The following PCDHGA7 variants were observed in gnomAD, a reference collection of about 807,000 sequenced individuals.
PCDHGA7 encodes the protein protocadherin gamma-A7.
In PCDHGA7, 44 loss-of-function variants were observed where a neutral mutation model predicts 58.3. The observed-to-expected ratio is 0.75, with a 90% CI of 0.59 to 0.97. The LOEUF (loss-of-function observed/expected upper bound fraction) is 0.97. Ranked by LOEUF, PCDHGA7 falls within the 50% of genes least tolerant of loss-of-function variation. The pLI is 0.00. For missense variants in PCDHGA7, 1,266 were observed against 1,188.7 expected (o/e 1.06, Z -0.96); for synonymous variants, 516 against 504.2 (o/e 1.02, Z -0.31).
intron 1 of PCDHGA7, among the ~76,000 whole-genome samples, chr5:141,386,837 A>G (rs551845645): frequency 1.3e-5 from 2 of 152,378 alleles, no homozygotes; most frequent in Middle Eastern, 6.8e-3. Context: ...ATGGAGAGAC[A>G]TAATCACTAA....
In PCDHGA7 at chr5:141,511,460, A is replaced by ACCC. The variant is rs1367357803; in HGVS notation, c.*289_*291dup. The ACCC allele has an allele frequency of 2.4e-4, 137 of 564,806 alleles. 1 individual carries two copies. In the Middle Eastern group the frequency reaches 2.7e-3, roughly 11 times the overall value. The allele number at this position is 564,806 out of a possible 1,614,324, so 35.0% of individuals were successfully genotyped here. A position where few individuals can be genotyped will look rare whatever the true frequency, so the allele number is the denominator to read the frequency against. ...GTAGACACCAAGAACCATTTGCCAC[A>ACCC]CCCCGTTTAGTTACAGCTGAACTCC... On this transcript the variant is annotated 3_prime_UTR_variant, in exon 4 of 4. Transcript: ENST00000518325.
chr5:141,418,969 A>C, intron 1 of PCDHGA7: 1 of 1,614,028 alleles, frequency 6.2e-7, no homozygotes, highest in Non-Finnish European at 8.5e-7. Flanking sequence ...CCCTCTTCAA[A>C]ACACGGGACC....
At chr5:141,470,306 T>C (rs2099227644) in intron 1 of PCDHGA7, among the ~76,000 whole-genome samples, 1 of 152,222 alleles carries the variant, frequency 6.6e-6, no homozygotes, top group South Asian at 2.1e-4. Flanking sequence ...TTATTCCATT[T>C]TTCCTCAAAT....
chr5:141,389,840 C>T (rs2150401266), intron 1 of PCDHGA7: 2 of 1,614,048 alleles, frequency 1.2e-6, no homozygotes, highest in Non-Finnish European at 8.5e-7. Context: ...AGCCACCACT[C>T]TCGGCCACTG....
intron 1 of PCDHGA7, chr5:141,390,232 C>A: frequency 6.2e-7 from 1 of 1,614,020 alleles, no homozygotes. Context: ...GGTGATTCAT[C>A]TGGGGCCTTA....
rs2095932484 is a variant in PCDHGA7, at chr5:141,415,751, T to TG, written c.2424+30428_2424+30429insG. 3.8e-6 allele frequency: 5 copies of TG among 1,328,726 alleles called. No homozygotes were observed. The African/African-American group carries it at 9.4e-5, about 25-fold the overall frequency. The allele number at this position is 1,328,726 out of a possible 1,614,324, so 82.3% of individuals were successfully genotyped here. On this transcript the variant is annotated intron_variant, in intron 1 of 3. Transcript: ENST00000518325. ...TGATGTTTATTAAGGTTTTTTTTTT[T>TG]TTTTTTTTTTTTTTTTTTTTTACTT... is the stretch of plus-strand genomic sequence containing the variant.
chr5:141,433,703 G>T (rs1561871157), intron 1 of PCDHGA7, among the ~76,000 whole-genome samples: 1 of 152,098 alleles, frequency 6.6e-6, no homozygotes, highest in Non-Finnish European at 1.5e-5. Flanking sequence ...CGGGCGTGGT[G>T]GTGCATGTCT....
chr5:141,481,679 C>T (rs2099541734), intron 1 of PCDHGA7, among the ~76,000 whole-genome samples: 1 of 151,948 alleles, frequency 6.6e-6, no homozygotes, highest in Non-Finnish European at 1.5e-5. Context: ...TCAGGCCGGG[C>T]CTGGTGGCTC....
At position 141,485,326 on chromosome 5, in the gene PCDHGA7, T is replaced by C. The variant is rs2154580391; in HGVS notation, c.2425-9481T>C. On this transcript the variant is annotated intron_variant, in intron 1 of 3. Coordinates refer to ENST00000518325, the MANE Select transcript of PCDHGA7 (RefSeq NM_018920.4). This position sits in a 1 kb window ranked among gnomAD's most constrained non-coding sequence, Gnocchi z 5.7. ...CTTTTGTAGGGAATGTCGCTCAAGATTTCCTGCTGGATACGGACAGTCTGT... is the reference window on the plus strand; with the variant it reads ...CTTTTGTAGGGAATGTCGCTCAAGACTTCCTGCTGGATACGGACAGTCTGT... 1 of 1,614,106 alleles carries C rather than the reference T, an allele frequency of 6.2e-7. No homozygotes were observed. The highest frequency in any genetic ancestry group is 1.7e-5 in the Admixed American group (1 of 60,028).
intron 1 of PCDHGA7, chr5:141,399,104 A>G (rs561995889): frequency 6.2e-7 from 1 of 1,613,860 alleles, no homozygotes; most frequent in South Asian, 1.1e-5. Context: ...CTGGTTGCAC[A>G]ATGTACAGTT....
chr5:141,400,363 T>C (rs1271706599), intron 1 of PCDHGA7: 1 of 1,613,958 alleles, frequency 6.2e-7, no homozygotes, highest in Non-Finnish European at 8.5e-7. Flanking sequence ...GACTTTGCCT[T>C]ATTCCTACAA....
At chr5:141,428,275 G>C in intron 1 of PCDHGA7, 1 of 767,218 alleles carries the variant, frequency 1.3e-6, no homozygotes, top group Non-Finnish European at 2.2e-6. Context: ...TGTGCCCTCT[G>C]ATTCCCAAGC....
chr5:141,399,632 C>G, intron 1 of PCDHGA7: 1 of 1,613,894 alleles, frequency 6.2e-7, no homozygotes, highest in Non-Finnish European at 8.5e-7. Flanking sequence ...TCTTACGTGT[C>G]CATGAGCGCG....
intron 1 of PCDHGA7, chr5:141,409,042 C>A: frequency 5.0e-6 from 8 of 1,614,034 alleles, no homozygotes; most frequent in Middle Eastern, 1.6e-4. Context: ...TAAACTACTA[C>A]TTCCGAAGCA....
rs143168452 is a variant in PCDHGA7 at position 141,504,127 on chromosome 5, C to T, written c.2484-1266C>T. Among the ~76,000 whole-genome samples the T allele has an allele frequency of 1.3e-3, 195 of 152,220 alleles. 2 individuals carry two copies. The highest frequency in any genetic ancestry group is 4.4e-3 in the African/African-American group (181 of 41,520). On this transcript the variant is annotated intron_variant, in intron 2 of 3. Transcript: ENST00000518325. ...CTGTGTGTGTGCCAGGGCTGTTTCC[C>T]GCCAACACTCCCCTGCAAATTGAAA...
intron 1 of PCDHGA7, among the ~76,000 whole-genome samples, chr5:141,483,875 AT>A (rs2154580008): frequency 6.6e-6 from 1 of 151,964 alleles, no homozygotes; most frequent in Admixed American, 6.6e-5. Context: ...ATCAGGATGG[AT>A]TTTTCTATTT....
At chr5:141,386,173 C>T (rs72790028) in intron 1 of PCDHGA7, among the ~76,000 whole-genome samples, 9,793 of 152,202 alleles carry the variant, frequency 0.064, 369 homozygotes, top group African/African-American at 0.1. Flanking sequence ...AACCTTAGAC[C>T]ATCTTATGTA....
intron 1 of PCDHGA7, chr5:141,409,496 C>CT (rs1276498782): frequency 6.2e-7 from 1 of 1,614,044 alleles, no homozygotes; most frequent in South Asian, 1.1e-5. Context: ...CAAGCCGCCT[C>CT]TTTCTTCCAG....
At chr5:141,456,731 G>A (rs1282690673) in intron 1 of PCDHGA7, among the ~76,000 whole-genome samples, 1 of 152,214 alleles carries the variant, frequency 6.6e-6, no homozygotes, top group Non-Finnish European at 1.5e-5. Flanking sequence ...TTGGGAGGCT[G>A]AGGCGGGAGC....
Sources: allele counts gnomAD v4.1 joint callset (sites outside exome capture counted in the v4.1 genomes callset), GRCh38; gene constraint gnomAD v4.1.1; non-coding constraint Gnocchi (gnomAD v3.1); transcripts MANE v1.5; gene names NCBI Gene and HGNC (gene_info 2026-07-23, HGNC 2026-07-21).